Variants in MOK observed in about 807,000 individuals in gnomAD.
MOK encodes the protein MOK protein kinase.
A neutral mutation model predicts 54.2 loss-of-function variants in MOK; 59 were observed. That is an observed-to-expected ratio of 1.09 (90% CI 0.88 to 1.35). The LOEUF is 1.35. Among genes scored for constraint, MOK ranks in the 40% most tolerant of loss-of-function variants. The pLI is 0.00. For synonymous variants in MOK, 210 were observed against 202.7 expected (o/e 1.04, Z -0.31); for missense variants, 517 against 526.2 (o/e 0.98, Z 0.17).
At position 102,262,008 on chromosome 14, in the gene MOK, T is replaced by A. The variant is rs182709680; in HGVS notation, c.283+1538A>T. ...GGCGCCCGCCACCACGCCCGGCTAA[T>A]TTTTTTGTATTTTTAATAGAGACGA... On this transcript the variant is annotated intron_variant, in intron 4 of 11. Coordinates refer to ENST00000361847, the MANE Select transcript of MOK (RefSeq NM_014226.3). Among the ~76,000 whole-genome samples the A allele has an allele frequency of 7.0e-3, 1,060 of 151,470 alleles. 14 individuals carry two copies. The highest frequency in any genetic ancestry group is 0.024 in the African/African-American group (1,002 of 41,230).
chr14:102,261,421 ATATATATATATATATAT>A (rs2067445806), intron 4 of MOK, among the ~76,000 whole-genome samples: 1 of 25,554 alleles, frequency 3.9e-5, no homozygotes, highest in Non-Finnish European at 7.9e-5. Flanking sequence ...AAAAAAAAAT[ATATATATATATATATAT>A]ATATATATAT....
At chr14:102,297,598 G>A (rs1463790635) in intron 1 of MOK, among the ~76,000 whole-genome samples, 4 of 152,214 alleles carry the variant, frequency 2.6e-5, no homozygotes, top group East Asian at 1.9e-4. Context: ...TGCACTGTGG[G>A]AGCCCCTCCC....
chr14:102,224,392 T>G, downstream of MOK: 1 of 361,320 alleles, frequency 2.8e-6, no homozygotes, highest in Admixed American at 3.7e-5. Flanking sequence ...CATCTGAGTT[T>G]AGGGCATCCC....
At position 102,267,342 on chromosome 14, in the gene MOK, G is replaced by C. The variant is rs141173657; in HGVS notation, c.123-1430C>G. On this transcript the variant is annotated intron_variant, in intron 2 of 11. Transcript: ENST00000361847. ...GCACTTTGGGAGGCCAAGGCAGGTG[G>C]ATCACCTGAGGTCAGGAGTTCCAGA... Among the ~76,000 whole-genome samples the C allele has an allele frequency of 4.6e-3, 705 of 152,252 alleles. 6 individuals carry two copies. The highest frequency in any genetic ancestry group is 0.016 in the African/African-American group (654 of 41,556).
chr14:102,251,038 A>G (rs781529982), intron 6 of MOK, 48 bp from the exon 7 acceptor site: 70 of 1,574,872 alleles, frequency 4.4e-5, no homozygotes, highest in Non-Finnish European at 5.7e-5. Flanking sequence ...TTATGTGGCT[A>G]TCATAATACA....
downstream of MOK, chr14:102,224,388 A>C (rs773588765): frequency 2.8e-5 from 10 of 358,378 alleles, no homozygotes; most frequent in Non-Finnish European, 5.4e-5. Flanking sequence ...TGAGCATCTG[A>C]GTTTAGGGCA....
rs2065392479 is a variant in MOK, at chr14:102,238,231, C to T, written c.591-4442G>A. On this transcript the variant is annotated intron_variant, in intron 7 of 11. Coordinates refer to ENST00000361847, the MANE Select transcript of MOK (RefSeq NM_014226.3). The surrounding 1 kb of genome is among the most constrained non-coding windows in gnomAD (Gnocchi z 4.8). The stretch of plus-strand genomic sequence containing the variant: ...CCGAGTAATTGAAGCTAAGCCCCTA[C>T]CTCCAGGAACCTCCTCTCAAAAAGC... 1 of 152,272 alleles carries T rather than the reference C, an allele frequency of 6.6e-6. No individual in the cohort carries two copies. The highest frequency in any genetic ancestry group is 2.4e-5 in the African/African-American group (1 of 41,444). 9.4% of individuals were successfully genotyped at this position (152,272 alleles called of 1,614,324 possible).
At chr14:102,248,235 G>T (rs376462850) in intron 7 of MOK, among the ~76,000 whole-genome samples, 1 of 152,058 alleles carries the variant, frequency 6.6e-6, no homozygotes, top group Non-Finnish European at 1.5e-5. Flanking sequence ...TTCTCCGTGC[G>T]GTTCACCCTT....
At chr14:102,286,073 G>A (rs1294787281) in intron 1 of MOK, among the ~76,000 whole-genome samples, 1 of 151,500 alleles carries the variant, frequency 6.6e-6, no homozygotes, top group Non-Finnish European at 1.5e-5. Flanking sequence ...GCCGAGGCGG[G>A]CGGATCACGA....
At chr14:102,275,496 G>A (rs569785160) in intron 2 of MOK, among the ~76,000 whole-genome samples, 11 of 151,166 alleles carry the variant, frequency 7.3e-5, no homozygotes, top group East Asian at 3.9e-4. Context: ...CCTGGGAGGC[G>A]GAGCTTGCAG....
chr14:102,216,426 G>T, the MOK span, among the ~76,000 whole-genome samples: 1 of 152,012 alleles, frequency 6.6e-6, no homozygotes, highest in Non-Finnish European at 1.5e-5. Flanking sequence ...TGAGTAACTG[G>T]GACCATAGGC....
At chr14:102,258,332 C>T (rs762853559) in intron 4 of MOK, among the ~76,000 whole-genome samples, 1 of 152,206 alleles carries the variant, frequency 6.6e-6, no homozygotes. Context: ...TCTTCCCTCA[C>T]GGTGGCCTCA....
At chr14:102,219,021 C>A in the MOK span, among the ~76,000 whole-genome samples, 1 of 152,296 alleles carries the variant, frequency 6.6e-6, no homozygotes, top group South Asian at 2.1e-4. Context: ...GAAGAGCAGG[C>A]GGATTGGGGC....
chr14:102,243,631 A>C lies in MOK; in HGVS notation c.590+7181T>G, dbSNP rs148844858. 5.7e-3 allele frequency among the ~76,000 whole-genome samples: 859 copies of C among 151,520 alleles called. 18 individuals are homozygous for C. Among genetic ancestry groups the C allele is most frequent in the East Asian group, 0.035 (178 of 5,158 alleles). ...CTCCCTGGCTCCTTCAGCTGTACTC[A>C]CTCTTTGTTGAGTCTCCCACAATTA... On this transcript the variant is annotated intron_variant, in intron 7 of 11. Transcript: ENST00000361847.
At chr14:102,269,000 T>C (rs1308215852) in intron 2 of MOK, among the ~76,000 whole-genome samples, 5 of 152,136 alleles carry the variant, frequency 3.3e-5, no homozygotes, top group Non-Finnish European at 7.3e-5. Flanking sequence ...AATAAGTTTA[T>C]CTAACCAATA....
In MOK at chr14:102,242,490, C is replaced by T. The variant is rs148748621; in HGVS notation, c.590+8322G>A. ...CCTTCACATCTTCCCCTTGTATCTCCCCACCTTAATCCACAAGTATGGGAC... is the reference window on the plus strand; with the variant it reads ...CCTTCACATCTTCCCCTTGTATCTCTCCACCTTAATCCACAAGTATGGGAC... On this transcript the variant is annotated intron_variant, in intron 7 of 11. Transcript: ENST00000361847. Among the ~76,000 whole-genome samples the T allele has an allele frequency of 9.4e-3, 1,402 of 148,620 alleles. 36 individuals are homozygous for T. Among genetic ancestry groups the T allele is most frequent in the African/African-American group, 0.033 (1,316 of 40,030 alleles).
At chr14:102,258,399 A>T in intron 4 of MOK, among the ~76,000 whole-genome samples, 1 of 152,034 alleles carries the variant, frequency 6.6e-6, no homozygotes, top group Non-Finnish European at 1.5e-5. Context: ...TCACTCTCTA[A>T]CACATTGGCC....
chr14:102,271,125 C>G (rs569254613), intron 2 of MOK, among the ~76,000 whole-genome samples: 3 of 152,322 alleles, frequency 2.0e-5, no homozygotes, highest in African/African-American at 7.2e-5. Context: ...GCAGAGGTTG[C>G]AGCTAGCCAA....
At chr14:102,304,475 C>T (rs2072560669) in intron 1 of MOK, among the ~76,000 whole-genome samples, 1 of 151,866 alleles carries the variant, frequency 6.6e-6, no homozygotes, top group Non-Finnish European at 1.5e-5. Flanking sequence ...CTGCTTGACC[C>T]AAAAAATAAA....
Sources: gnomAD v4.1 joint callset for allele counts (sites outside exome capture counted in the v4.1 genomes callset) on GRCh38, gnomAD v4.1.1 for gene constraint, Gnocchi (gnomAD v3.1) non-coding constraint, MANE v1.5 for transcripts, NCBI Gene and HGNC (gene_info 2026-07-23, HGNC 2026-07-21) for gene names.